ADAM23: variants seen among roughly 807,000 people sequenced by gnomAD.
ADAM23 encodes ADAM metallopeptidase domain 23.
In ADAM23, 33 loss-of-function variants were observed where a neutral mutation model predicts 120.1. The ratio of observed to expected loss-of-function variants is 0.27; its 90% CI spans 0.21 to 0.37. ADAM23 has a LOEUF of 0.37. Among genes scored for constraint, ADAM23 ranks in the 10% least tolerant of loss-of-function variants. The pLI is 1.00. For synonymous variants in ADAM23, 367 were observed against 375.2 expected (o/e 0.98, Z 0.25); for missense variants, 862 against 1,058.2 (o/e 0.81, Z 2.57).
intron 6 of ADAM23, among the ~76,000 whole-genome samples, chr2:206,544,459 T>C (rs1202951731): frequency 6.6e-6 from 1 of 152,062 alleles, no homozygotes; most frequent in Non-Finnish European, 1.5e-5. Flanking sequence ...TGGGGATACT[T>C]TGGTGACAAA....
At chr2:206,557,880 G>A (rs16838344) in intron 10 of ADAM23, among the ~76,000 whole-genome samples, 25,646 of 152,108 alleles carry the variant, frequency 0.17, 2,393 homozygotes, top group African/African-American at 0.25. Flanking sequence ...AGAAAAAATG[G>A]ATTGAAGCAG....
chr2:206,556,612 G>A (rs761675833), intron 9 of ADAM23, among the ~76,000 whole-genome samples: 14 of 152,100 alleles, frequency 9.2e-5, no homozygotes, highest in Non-Finnish European at 1.3e-4. Flanking sequence ...TAAGCAAAGC[G>A]TACTACTCCT....
At chr2:206,584,823 C>T (rs1698290121) in intron 18 of ADAM23, among the ~76,000 whole-genome samples, 1 of 152,156 alleles carries the variant, frequency 6.6e-6, no homozygotes, top group Non-Finnish European at 1.5e-5. Context: ...TGGAGTTTTA[C>T]CCCCTGCTCC....
At chr2:206,501,929 A>C (rs1696395083) in intron 3 of ADAM23, among the ~76,000 whole-genome samples, 1 of 152,174 alleles carries the variant, frequency 6.6e-6, no homozygotes, top group African/African-American at 2.4e-5. Context: ...TCTGGTTAGA[A>C]TTGAAATGCA....
intron 6 of ADAM23, among the ~76,000 whole-genome samples, chr2:206,545,239 G>A (rs1697371794): frequency 2.6e-5 from 4 of 152,138 alleles, no homozygotes; most frequent in Admixed American, 2.6e-4. Flanking sequence ...TATAATCCTA[G>A]CACTTTGGGA....
At chr2:206,452,257 C>G (rs965290692) in intron 2 of ADAM23, among the ~76,000 whole-genome samples, 6 of 152,232 alleles carry the variant, frequency 3.9e-5, no homozygotes, top group Admixed American at 6.5e-5. Flanking sequence ...TGATTATTCT[C>G]TTCCATAAAG....
At chr2:206,520,575 A>C (rs916132166) in intron 3 of ADAM23, among the ~76,000 whole-genome samples, 4 of 152,078 alleles carry the variant, frequency 2.6e-5, no homozygotes, top group African/African-American at 4.8e-5. Context: ...TAATTGAATG[A>C]GTGGAGGACA....
At chr2:206,555,001 T>C (rs1379890332) in intron 9 of ADAM23, among the ~76,000 whole-genome samples, 1 of 152,156 alleles carries the variant, frequency 6.6e-6, no homozygotes, top group Non-Finnish European at 1.5e-5. Flanking sequence ...CTTTAAAATC[T>C]GACCTCTGGA....
rs76124375 is a variant in ADAM23 at position 206,463,502 on chromosome 2, G to A, written c.433-17730G>A. Among the ~76,000 whole-genome samples, 1,475 of 152,314 alleles carry A rather than the reference G, an allele frequency of 9.7e-3. 5 individuals are homozygous for A. Among genetic ancestry groups the A allele is most frequent in the African/African-American group, 0.019 (800 of 41,578 alleles). On this transcript the variant is annotated intron_variant, in intron 2 of 25. Coordinates refer to ENST00000264377, the MANE Select transcript of ADAM23 (RefSeq NM_003812.4). ...CCAGAAGTGTAAGATGATAATTTAT[G>A]TTGTTTTAAGCCCTGACATCCAGGG...
At chr2:206,517,614 T>A (rs971914728) in intron 3 of ADAM23, among the ~76,000 whole-genome samples, 4 of 152,150 alleles carry the variant, frequency 2.6e-5, no homozygotes, top group Non-Finnish European at 4.4e-5. Context: ...TTTATAGGCA[T>A]TTCTCTTGAC....
At chr2:206,526,591 T>C (rs1467759043) in intron 3 of ADAM23, among the ~76,000 whole-genome samples, 2 of 152,240 alleles carry the variant, frequency 1.3e-5, no homozygotes, top group African/African-American at 4.8e-5. Flanking sequence ...CCTGCAGGGA[T>C]TTTAGTGGTC....
chr2:206,546,288 T>C (rs535938805), intron 6 of ADAM23, among the ~76,000 whole-genome samples: 2 of 152,332 alleles, frequency 1.3e-5, no homozygotes, highest in African/African-American at 4.8e-5. Flanking sequence ...TTCATTACTA[T>C]CTTTTCACCT....
intron 2 of ADAM23, among the ~76,000 whole-genome samples, chr2:206,447,862 G>A (rs1695114127): frequency 6.6e-6 from 1 of 152,156 alleles, no homozygotes; most frequent in African/African-American, 2.4e-5. Flanking sequence ...TGGGGGTAGA[G>A]GTGGAAATGG....
intron 3 of ADAM23, among the ~76,000 whole-genome samples, chr2:206,512,448 T>C (rs955816871): frequency 9.2e-5 from 14 of 152,240 alleles, no homozygotes; most frequent in African/African-American, 3.4e-4. Flanking sequence ...TATAATCAGC[T>C]GAAAAGGCTA....
At position 206,566,463 on chromosome 2, in the gene ADAM23, G is replaced by A. The variant is rs528822768; in HGVS notation, c.1395-760G>A. The stretch of plus-strand genomic sequence containing the variant: ...CTGTATTCCTGAGGAATAGGTGTGC[G>A]TGTGTGTGATTCAGTTTAACTAACC... On this transcript the variant is annotated intron_variant, in intron 14 of 25. Transcript: ENST00000264377. 5.5e-4 allele frequency among the ~76,000 whole-genome samples: 80 copies of A among 144,882 alleles called. No individual in the cohort carries two copies. The South Asian group carries it at 7.1e-3, about 13-fold the overall frequency.
intron 18 of ADAM23, among the ~76,000 whole-genome samples, chr2:206,584,054 C>T (rs1339042961): frequency 6.6e-6 from 1 of 152,126 alleles, no homozygotes; most frequent in Non-Finnish European, 1.5e-5. Flanking sequence ...CGGGTGTTCC[C>T]TTGATGTAGT....
At chr2:206,519,235 A>G (rs1357417409) in intron 3 of ADAM23, among the ~76,000 whole-genome samples, 1 of 152,188 alleles carries the variant, frequency 6.6e-6, no homozygotes, top group Non-Finnish European at 1.5e-5. Context: ...ACTGAATCTG[A>G]AAGTCCACAC....
chr2:206,477,281 C>T (rs188468343), intron 2 of ADAM23, among the ~76,000 whole-genome samples: 185 of 152,266 alleles, frequency 1.2e-3, no homozygotes, highest in African/African-American at 3.1e-3. Context: ...ATTGCTAAGA[C>T]GTGTAAACTG....
intron 20 of ADAM23, among the ~76,000 whole-genome samples, chr2:206,588,358 A>T (rs1280910029): frequency 2.0e-5 from 3 of 152,218 alleles, no homozygotes. Flanking sequence ...GTCAGAACTG[A>T]GCAGTGCCAT....
Sources: allele counts gnomAD v4.1 joint callset (sites outside exome capture counted in the v4.1 genomes callset), GRCh38; gene constraint gnomAD v4.1.1; transcripts MANE v1.5; gene names NCBI Gene and HGNC (gene_info 2026-07-23, HGNC 2026-07-21).